The following PLEKHG1 variants were observed in gnomAD, a reference collection of about 807,000 sequenced individuals.
The protein encoded by PLEKHG1 is pleckstrin homology and RhoGEF domain containing G1.
Under a neutral mutation model 100.8 loss-of-function variants are expected in PLEKHG1, and 44 were observed. That is an observed-to-expected ratio of 0.44 (90% CI 0.34 to 0.56). PLEKHG1 has a LOEUF of 0.56. Among genes scored for constraint, PLEKHG1 ranks in the 20% least tolerant of loss-of-function variants. The pLI is 0.01. For missense variants in PLEKHG1, 1,545 were observed against 1,720.9 expected, an observed-to-expected ratio of 0.90 and a Z score of 1.81; for synonymous variants, 640 against 662.5, an observed-to-expected ratio of 0.97 and a Z score of 0.52.
chr6:150,791,003 G>A (rs561634371), intron 4 of PLEKHG1, among the ~76,000 whole-genome samples: 42 of 152,280 alleles, frequency 2.8e-4, no homozygotes, highest in African/African-American at 9.1e-4. Context: ...AAGCCTGGGC[G>A]ACAGAGTGAG....
chr6:150,650,005 C>A (rs1379852354), intron 2 of PLEKHG1, among the ~76,000 whole-genome samples: 4 of 150,626 alleles, frequency 2.7e-5, no homozygotes, highest in African/African-American at 9.8e-5. Context: ...GAGCGGGACT[C>A]CGTCTCAAAA....
intron 1 of PLEKHG1, among the ~76,000 whole-genome samples, chr6:150,623,852 A>G (rs1359176805): frequency 1.3e-5 from 2 of 152,316 alleles, no homozygotes; most frequent in South Asian, 2.1e-4. Flanking sequence ...ATGTGTATGT[A>G]TGATGAAGTT....
At chr6:150,808,584 G>A (rs803427) in intron 7 of PLEKHG1, among the ~76,000 whole-genome samples, 4 of 151,870 alleles carry the variant, frequency 2.6e-5, no homozygotes, top group Non-Finnish European at 5.9e-5. Flanking sequence ...ACCCCATCTC[G>A]ACTAAAAATG....
intron 3 of PLEKHG1, among the ~76,000 whole-genome samples, chr6:150,777,927 G>C (rs1785085192): frequency 6.6e-6 from 1 of 152,268 alleles, no homozygotes; most frequent in South Asian, 2.1e-4. Flanking sequence ...CTGGTATTTA[G>C]GAGTGTCTTC....
At chr6:150,777,135 A>G (rs1350759848) in intron 3 of PLEKHG1, among the ~76,000 whole-genome samples, 1 of 149,348 alleles carries the variant, frequency 6.7e-6, no homozygotes, top group Admixed American at 6.6e-5. Context: ...CCTGGTGCAC[A>G]TGTGCAGTTG....
intron 3 of PLEKHG1, among the ~76,000 whole-genome samples, chr6:150,668,373 T>A (rs1779480131): frequency 6.6e-6 from 1 of 152,260 alleles, no homozygotes; most frequent in Admixed American, 6.5e-5. Flanking sequence ...AAAGGAATGA[T>A]GGTTTTCTTG....
chr6:150,757,365 A>C (rs140015435), intron 2 of PLEKHG1, among the ~76,000 whole-genome samples: 1 of 152,244 alleles, frequency 6.6e-6, no homozygotes, highest in Non-Finnish European at 1.5e-5. Context: ...GTTCACTAGA[A>C]TTAAGAGTCC....
In PLEKHG1 at chr6:150,773,648, A is replaced by G. The variant is rs541450578; in HGVS notation, c.512+4910A>G. ...ACTCCTCTGATGATCAAGCCCACATACATTGCTCTTCTTCAACACTGGCTT... is the reference window on the plus strand; with the variant it reads ...ACTCCTCTGATGATCAAGCCCACATGCATTGCTCTTCTTCAACACTGGCTT... On this transcript the variant is annotated intron_variant, in intron 3 of 15. Coordinates refer to ENST00000358517, the Ensembl canonical transcript of PLEKHG1. 1.4e-3 allele frequency among the ~76,000 whole-genome samples: 210 copies of G among 152,278 alleles called. No homozygotes were observed. The Middle Eastern group carries it at 0.024, about 17-fold the overall frequency.
chr6:150,803,508 A>G (rs943244940), intron 6 of PLEKHG1, among the ~76,000 whole-genome samples: 4 of 152,232 alleles, frequency 2.6e-5, no homozygotes, highest in Admixed American at 6.5e-5. Context: ...GGATCTAGGA[A>G]CAAGTGTCTT....
intron 1 of PLEKHG1, among the ~76,000 whole-genome samples, chr6:150,602,711 G>A (rs1208862666): frequency 6.6e-6 from 1 of 152,088 alleles, no homozygotes; most frequent in African/African-American, 2.4e-5. Context: ...GTATGATTTT[G>A]CAGAAGTTTA....
chr6:150,650,153 G>A (rs550254543), intron 2 of PLEKHG1, among the ~76,000 whole-genome samples: 7 of 151,888 alleles, frequency 4.6e-5, no homozygotes, highest in Non-Finnish European at 1.0e-4. Context: ...ACCCCAATGA[G>A]CTCGACCCCT....
intron 3 of PLEKHG1, among the ~76,000 whole-genome samples, chr6:150,665,630 AAAAAAT>A (rs149374779): frequency 0.01 from 1,541 of 148,260 alleles, 24 homozygotes; most frequent in African/African-American, 0.029. Flanking sequence ...ACTCCATCTC[AAAAAAT>A]AAAAATAAAA....
chr6:150,625,960 A>T (rs1777489646), intron 1 of PLEKHG1: 1 of 152,316 alleles, frequency 6.6e-6, no homozygotes, highest in African/African-American at 2.4e-5. Flanking sequence ...TTCAGGTATC[A>T]TAATGGCTTG....
At chr6:150,674,684 C>CTCTCTCTCTCTCTCTCT (rs1562427910) in intron 3 of PLEKHG1, among the ~76,000 whole-genome samples, 13 of 73,386 alleles carry the variant, frequency 1.8e-4, no homozygotes, top group South Asian at 4.9e-4. Context: ...TCTCTCTCTC[C>CTCTCTCTCTCTCTCTCT]CCCCTCTTCT....
At chr6:150,606,325 A>G (rs1216865178) in intron 1 of PLEKHG1, among the ~76,000 whole-genome samples, 1 of 152,194 alleles carries the variant, frequency 6.6e-6, no homozygotes, top group Non-Finnish European at 1.5e-5. Context: ...CATTAGCTCC[A>G]GCCTTCCTTC....
At chr6:150,788,872 C>G (rs201908701) in intron 4 of PLEKHG1, among the ~76,000 whole-genome samples, 7 of 152,068 alleles carry the variant, frequency 4.6e-5, no homozygotes. Flanking sequence ...CACACACACA[C>G]GCATACACAC....
chr6:150,777,446 G>A (rs28463902), intron 3 of PLEKHG1, among the ~76,000 whole-genome samples: 5,879 of 146,798 alleles, frequency 0.04, 56 homozygotes, highest in African/African-American at 0.091. Flanking sequence ...GCACATGTGC[G>A]GTTGCACATC....
intron 4 of PLEKHG1, among the ~76,000 whole-genome samples, chr6:150,791,995 T>G (rs1369222164): frequency 6.6e-6 from 1 of 152,176 alleles, no homozygotes; most frequent in Non-Finnish European, 1.5e-5. Flanking sequence ...AAAGAAGTAT[T>G]TATGTTAGCA....
chr6:150,735,873 C>A (rs548429665), intron 2 of PLEKHG1, among the ~76,000 whole-genome samples: 1 of 152,164 alleles, frequency 6.6e-6, no homozygotes, highest in South Asian at 2.1e-4. Flanking sequence ...GGTTGATAAA[C>A]CTTAGGTGAG....
Sources: gnomAD v4.1 joint callset for allele counts (sites outside exome capture counted in the v4.1 genomes callset) on GRCh38, gnomAD v4.1.1 for gene constraint, MANE v1.5 for transcripts, NCBI Gene and HGNC (gene_info 2026-07-23, HGNC 2026-07-21) for gene names.